DENND3: variants seen among roughly 807,000 people sequenced by gnomAD.
DENND3 encodes DENN domain-containing protein 3.
DENND3 carries 88 observed loss-of-function variants against 135.1 expected under a neutral mutation model. The observed-to-expected ratio is 0.65, with a 90% CI of 0.55 to 0.78. DENND3 has a LOEUF of 0.78. Among genes scored for constraint, DENND3 ranks in the 30% least tolerant of loss-of-function variants. The pLI is 0.00. For synonymous variants in DENND3, 693 were observed against 712.3 expected (o/e 0.97, Z 0.43); for missense variants, 1,392 against 1,688.4 (o/e 0.82, Z 3.08).
intron 18 of DENND3, among the ~76,000 whole-genome samples, chr8:141,187,198 T>C (rs927860687): frequency 6.6e-6 from 1 of 151,688 alleles, no homozygotes; most frequent in Non-Finnish European, 1.5e-5. Flanking sequence ...ACATGTTTAA[T>C]GTGAAAAGAA....
intron 9 of DENND3, among the ~76,000 whole-genome samples, chr8:141,162,449 A>G (rs962460965): frequency 2.0e-5 from 3 of 152,160 alleles, no homozygotes; most frequent in Non-Finnish European, 1.5e-5. Flanking sequence ...AGAGGCAGAA[A>G]ATATGATTAC....
In DENND3 at chr8:141,178,144, C is replaced by T. The variant is rs150338212; in HGVS notation, c.2784C>T (p.Gly928=). ...DAVVGTLQSP[G]AIYAASKLSY... is the part of the protein sequence containing the mutation. ...TCGTGGGCACACTGCAGTCACCAGG[C>T]GCCATCTACGCTGCCTCCAAGTTAT... The change falls in exon 16 of 23, where the codon GGC becomes GGT. Residue 928 remains glycine, a synonymous_variant. Coordinates refer to ENST00000519811, the MANE Select transcript of DENND3 (RefSeq NM_001352890.3). The T allele has an allele frequency of 9.7e-5, 156 of 1,613,358 alleles. No individual in the cohort carries two copies. The highest frequency in any genetic ancestry group is 9.5e-5 in the Non-Finnish European group (112 of 1,179,386).
Position 141,136,790 on chromosome 8 carries a change from A to G in DENND3, c.384A>G (p.Pro128=), listed in dbSNP as rs763844574. The G allele has an allele frequency of 6.4e-7, 1 of 1,567,402 alleles. No individual in the cohort carries two copies. Among genetic ancestry groups the G allele is most frequent in the African/African-American group, 1.4e-5 (1 of 73,724 alleles). ...TCACCCTGCCGCAGCTGTGCTTCCCAGGTATGTCTAGGAGGTGGGCACCAC... is the reference window on the plus strand; with the variant it reads ...TCACCCTGCCGCAGCTGTGCTTCCCGGGTATGTCTAGGAGGTGGGCACCAC... ...DLLTLPQLCF[P]GGVCVATEPK... Residue 128 remains proline, a splice_region_variant and synonymous_variant, in exon 2 of 23, where the codon CCA becomes CCG. Transcript: ENST00000519811.
intron 13 of DENND3, among the ~76,000 whole-genome samples, chr8:141,170,317 A>G (rs1320299476): frequency 1.3e-5 from 2 of 152,174 alleles, no homozygotes; most frequent in Non-Finnish European, 1.5e-5. Flanking sequence ...TTCCTTGCTT[A>G]TCGTGCCCGT....
chr8:141,165,108 C>A (rs1414488799), intron 10 of DENND3, 78 bp from the exon 11 acceptor site: 2 of 1,098,736 alleles, frequency 1.8e-6, no homozygotes, highest in Non-Finnish European at 2.8e-6. Flanking sequence ...AGTTCTGTGC[C>A]AGGAAGGCTC....
At chr8:141,176,839 T>TG in intron 15 of DENND3, 78 bp downstream of exon 15, 1 of 1,538,606 alleles carries the variant, frequency 6.5e-7, no homozygotes, top group Non-Finnish European at 8.9e-7. Context: ...CCTGTGGCAG[T>TG]CCTCAGCTGT....
Position 141,144,033 on chromosome 8 carries a change from C to T in DENND3, c.624-115C>T. 1 of 895,620 alleles carries T rather than the reference C, an allele frequency of 1.1e-6. No homozygotes were observed. Among genetic ancestry groups the T allele is most frequent in the South Asian group, 1.8e-5 (1 of 56,804 alleles). 55.5% of individuals were successfully genotyped at this position (895,620 alleles called of 1,614,324 possible). On this transcript the variant is annotated intron_variant, in intron 4 of 22. Transcript: ENST00000519811. The surrounding 1 kb of genome is among the most constrained non-coding windows in gnomAD (Gnocchi z 4.4). ...GGTGACTTTGCTTTTGGTGAAAGGT[C>T]CTGGAGCTGCTGCTGCAGACGCTGG...
At position 141,175,346 on chromosome 8, in the gene DENND3, T is replaced by C. The variant is rs758181971; in HGVS notation, c.2422T>C (p.Ser808Pro). The C allele has an allele frequency of 6.2e-7, 1 of 1,614,084 alleles. No individual in the cohort carries two copies. Among genetic ancestry groups the C allele is most frequent in the African/African-American group, 1.3e-5 (1 of 74,918 alleles). The change falls in exon 14 of 23, where the codon TCC (serine) becomes CCC (proline). Residue 808 changes from serine (S) to proline (P), a missense_variant. Transcript: ENST00000519811. The surrounding 1 kb of genome is among the most constrained non-coding windows in gnomAD (Gnocchi z 5.4). ...KNECVCKLSSSVKTNLGVGKI... is the reference protein window; with the variant it reads ...KNECVCKLSSPVKTNLGVGKI... Reference sequence around the variant, plus strand: ...CGAGTGTGTGTGTAAGTTGTCCAGCTCCGTCAAGACAAACCTAGGCGTTGG... The same window carrying C: ...CGAGTGTGTGTGTAAGTTGTCCAGCCCCGTCAAGACAAACCTAGGCGTTGG...
rs745848848 is a variant in DENND3 at position 141,166,386 on chromosome 8, G to A, written c.1750G>A (p.Ala584Thr). ...TDTAGCRGSS[A>T]VLNVTPKSPY... ...CACCGCAGGCTGTAGGGGCAGCAGC[G>A]CAGGTGAGGGCTGCCCCCCACTGTG... Residue 584 changes from alanine (A) to threonine (T), a missense_variant, in exon 12 of 23, where the codon GCA becomes ACA. Transcript: ENST00000519811. The surrounding 1 kb of genome is among the most constrained non-coding windows in gnomAD (Gnocchi z 4.3). 2.5e-5 allele frequency: 40 copies of A among 1,610,308 alleles called. No homozygotes were observed. The Middle Eastern group carries it at 1.2e-3, about 46-fold the overall frequency.
intron 11 of DENND3, among the ~76,000 whole-genome samples, chr8:141,165,846 G>A (rs139230085): frequency 1.3e-5 from 2 of 152,072 alleles, no homozygotes; most frequent in Middle Eastern, 3.4e-3. Flanking sequence ...CGTCTTCCTC[G>A]GTGCTGCTCT....
At chr8:141,162,057 G>A (rs1378514633) in intron 9 of DENND3, among the ~76,000 whole-genome samples, 2 of 152,004 alleles carry the variant, frequency 1.3e-5, no homozygotes, top group South Asian at 2.1e-4. Context: ...CTCCTGCCTC[G>A]ACCACCCAAA....
chr8:141,156,055 T>C, intron 8 of DENND3, 85 bp downstream of exon 8: 1 of 1,460,130 alleles, frequency 6.8e-7, no homozygotes, highest in South Asian at 1.4e-5. Context: ...TTTCCAATTT[T>C]ATATAACTGA....
intron 5 of DENND3, among the ~76,000 whole-genome samples, chr8:141,147,854 G>T (rs1818353216): frequency 6.6e-6 from 1 of 152,232 alleles, no homozygotes; most frequent in African/African-American, 2.4e-5. Context: ...GGATGCCTCG[G>T]ATTGCTGTGT....
chr8:141,190,172 C>A (rs571307019), intron 19 of DENND3, 112 bp from the exon 20 acceptor site: 2 of 1,355,576 alleles, frequency 1.5e-6, no homozygotes, highest in Admixed American at 5.6e-5. Context: ...GCAGGTTATC[C>A]GTGTTGAGCA....
Position 141,148,986 on chromosome 8 carries a change from C to T in DENND3, c.736-1848C>T, listed in dbSNP as rs1039458772. Among the ~76,000 whole-genome samples the T allele has an allele frequency of 5.9e-5, 9 of 151,968 alleles. No individual in the cohort carries two copies. The East Asian group carries it at 1.4e-3, about 23-fold the overall frequency. The stretch of plus-strand genomic sequence containing the variant: ...AGTGCAATGGCACAGTCTCGGCTCA[C>T]CGCAACCTCTACCTCCTGGGTTTAG... On this transcript the variant is annotated intron_variant, in intron 5 of 22. Coordinates refer to ENST00000519811, the MANE Select transcript of DENND3 (RefSeq NM_001352890.3).
In DENND3 at chr8:141,138,555, T is replaced by G. The variant is rs577525488; in HGVS notation, c.501+418T>G. The stretch of plus-strand genomic sequence containing the variant: ...TGCCCACCACCATGCCCAGCTAATT[T>G]TTGTGTTTTTAGTGGAGACGGGGTT... On this transcript the variant is annotated intron_variant, in intron 3 of 22. Coordinates refer to ENST00000519811, the MANE Select transcript of DENND3 (RefSeq NM_001352890.3). This position sits in a 1 kb window ranked among gnomAD's most constrained non-coding sequence, Gnocchi z 4.8. Among the ~76,000 whole-genome samples, 2 of 151,962 alleles carry G rather than the reference T, an allele frequency of 1.3e-5. No individual in the cohort carries two copies. Among genetic ancestry groups the G allele is most frequent in the East Asian group, 3.9e-4 (2 of 5,178 alleles).
At chr8:141,145,836 TATATATATA>T (rs1818026920) in intron 5 of DENND3, among the ~76,000 whole-genome samples, 6 of 82,188 alleles carry the variant, frequency 7.3e-5, no homozygotes, top group African/African-American at 5.4e-4. Flanking sequence ...TATATATATA[TATATATATA>T]TATATGTATT....
chr8:141,161,538 T>C (rs1316286996), intron 9 of DENND3, among the ~76,000 whole-genome samples: 1 of 152,232 alleles, frequency 6.6e-6, no homozygotes, highest in Non-Finnish European at 1.5e-5. Context: ...AAGGAATGTA[T>C]GGCAAAAATG....
At chr8:141,194,003 C>T (rs1162461460) in intron 22 of DENND3, 30 bp from the exon 23 acceptor site, 3 of 1,607,512 alleles carry the variant, frequency 1.9e-6, no homozygotes, top group Non-Finnish European at 2.5e-6. Context: ...GCTTCTTTCC[C>T]TGCTGACCCC....
Sources: gnomAD v4.1 joint callset for allele counts (sites outside exome capture counted in the v4.1 genomes callset) on GRCh38, gnomAD v4.1.1 for gene constraint, Gnocchi (gnomAD v3.1) non-coding constraint, MANE v1.5 for transcripts, NCBI Gene and HGNC (gene_info 2026-07-23, HGNC 2026-07-21) for gene names.